The following INPP4B variants were observed in gnomAD, a reference collection of about 807,000 sequenced individuals.
INPP4B encodes inositol polyphosphate 4-phosphatase type II.
In INPP4B, 55 loss-of-function variants were observed where a neutral mutation model predicts 122.5. The ratio of observed to expected loss-of-function variants is 0.45; its 90% CI spans 0.36 to 0.56. The LOEUF (loss-of-function observed/expected upper bound fraction) is 0.56. Ranked by LOEUF, INPP4B falls within the 20% of genes least tolerant of loss-of-function variation. INPP4B has a pLI of 0.00. For missense variants in INPP4B, 1,000 were observed against 1,097.7 expected, an observed-to-expected ratio of 0.91 and a Z score of 1.26; for synonymous variants, 403 against 388.7, an observed-to-expected ratio of 1.04 and a Z score of -0.43.
At chr4:142,428,784 C>A (rs918772459) in intron 5 of INPP4B, among the ~76,000 whole-genome samples, 3 of 151,916 alleles carry the variant, frequency 2.0e-5, no homozygotes, top group Non-Finnish European at 4.4e-5. Context: ...GGCAAGAATC[C>A]TGGAAATGCC....
chr4:142,045,193 T>C (rs1264810629), intron 25 of INPP4B, among the ~76,000 whole-genome samples: 1 of 152,154 alleles, frequency 6.6e-6, no homozygotes, highest in Non-Finnish European at 1.5e-5. Flanking sequence ...TAATGCAGTG[T>C]ATACATCTCC....
intron 1 of INPP4B, among the ~76,000 whole-genome samples, chr4:142,793,575 T>C (rs977750495): frequency 3.9e-5 from 6 of 152,086 alleles, no homozygotes; most frequent in Admixed American, 3.3e-4. Flanking sequence ...AGTCAAAGGA[T>C]GGCAGTAATA....
chr4:142,399,239 C>G (rs987583122), intron 7 of INPP4B, among the ~76,000 whole-genome samples: 2 of 125,412 alleles, frequency 1.6e-5, no homozygotes, highest in Admixed American at 9.9e-5. Context: ...GCTCTGTCAC[C>G]AGGCTGGAGT....
intron 25 of INPP4B, among the ~76,000 whole-genome samples, chr4:142,063,770 T>A (rs1762184315): frequency 6.6e-6 from 1 of 152,176 alleles, no homozygotes; most frequent in African/African-American, 2.4e-5. Flanking sequence ...ATTAGTGTAC[T>A]TTTGTTATTC....
At chr4:142,752,386 A>G (rs1440389545) in intron 1 of INPP4B, among the ~76,000 whole-genome samples, 2 of 152,066 alleles carry the variant, frequency 1.3e-5, no homozygotes, top group Non-Finnish European at 2.9e-5. Context: ...AGTTTCCCCA[A>G]CTACTGATCT....
chr4:142,353,390 G>C (rs1177398305), intron 7 of INPP4B, among the ~76,000 whole-genome samples: 1 of 151,978 alleles, frequency 6.6e-6, no homozygotes, highest in Non-Finnish European at 1.5e-5. Context: ...ATTCCCCTAA[G>C]AGAGAATGAT....
chr4:142,550,998 C>T (rs1202326563), intron 2 of INPP4B, among the ~76,000 whole-genome samples: 1 of 151,932 alleles, frequency 6.6e-6, no homozygotes, highest in Non-Finnish European at 1.5e-5. Flanking sequence ...TAACTTGATA[C>T]AAAATAGGAA....
chr4:142,759,390 C>T (rs1434142781), intron 1 of INPP4B, among the ~76,000 whole-genome samples: 6 of 152,228 alleles, frequency 3.9e-5, no homozygotes, highest in African/African-American at 7.2e-5. Flanking sequence ...AACACAATTT[C>T]GTCTTCTCTC....
At chr4:142,235,257 T>C (rs1856185353) in intron 12 of INPP4B, among the ~76,000 whole-genome samples, 1 of 151,950 alleles carries the variant, frequency 6.6e-6, no homozygotes, top group Non-Finnish European at 1.5e-5. Context: ...TTTCCTAGCT[T>C]GTTGAATTTT....
intron 22 of INPP4B, 65 bp from the exon 23 acceptor site, chr4:142,108,255 C>A: frequency 1.2e-6 from 1 of 812,992 alleles, no homozygotes; most frequent in South Asian, 1.5e-5. Context: ...ACACATTTTA[C>A]CTTTCCTTTT....
intron 2 of INPP4B, among the ~76,000 whole-genome samples, chr4:142,479,588 A>G (rs1238864983): frequency 1.3e-5 from 2 of 152,190 alleles, no homozygotes; most frequent in African/African-American, 4.8e-5. Flanking sequence ...AGACTAGATA[A>G]AGAAAATATG....
At chr4:142,604,801 A>G (rs1326239170) in intron 2 of INPP4B, among the ~76,000 whole-genome samples, 2 of 152,156 alleles carry the variant, frequency 1.3e-5, no homozygotes, top group African/African-American at 2.4e-5. Context: ...TTCCCAAGCC[A>G]TCTACAAATT....
intron 2 of INPP4B, among the ~76,000 whole-genome samples, chr4:142,505,543 T>G (rs1283861440): frequency 6.7e-6 from 1 of 148,184 alleles, no homozygotes; most frequent in East Asian, 2.1e-4. Context: ...CGAAGTAAGA[T>G]TGTGAAAATA....
intron 2 of INPP4B, among the ~76,000 whole-genome samples, chr4:142,512,986 T>C (rs1051001977): frequency 6.6e-6 from 1 of 152,198 alleles, no homozygotes; most frequent in African/African-American, 2.4e-5. Flanking sequence ...ATTTGACATA[T>C]AGCTTTTTAA....
chr4:142,115,720 A>G (rs1008686184), intron 21 of INPP4B, among the ~76,000 whole-genome samples: 6 of 152,208 alleles, frequency 3.9e-5, no homozygotes, highest in African/African-American at 1.4e-4. Context: ...GCAAATTATA[A>G]AGACCATTGA....
intron 14 of INPP4B, among the ~76,000 whole-genome samples, chr4:142,197,300 T>C (rs1464421259): frequency 6.6e-6 from 1 of 152,078 alleles, no homozygotes; most frequent in Non-Finnish European, 1.5e-5. Flanking sequence ...CATCTTTGTG[T>C]TCTCTGACTT....
intron 7 of INPP4B, among the ~76,000 whole-genome samples, chr4:142,363,801 T>C (rs1004482419): frequency 6.6e-6 from 1 of 152,038 alleles, no homozygotes; most frequent in Non-Finnish European, 1.5e-5. Context: ...TATTATCTCA[T>C]TTGTCTTCCA....
intron 9 of INPP4B, among the ~76,000 whole-genome samples, chr4:142,280,919 A>G (rs1750894945): frequency 6.6e-6 from 1 of 151,968 alleles, no homozygotes; most frequent in African/African-American, 2.4e-5. Context: ...TCATATAGGA[A>G]AGGAAGAAAT....
At chr4:142,263,420 T>C (rs1158142023) in intron 10 of INPP4B, among the ~76,000 whole-genome samples, 1 of 151,880 alleles carries the variant, frequency 6.6e-6, no homozygotes, top group Admixed American at 6.6e-5. Flanking sequence ...ATCCACCAAT[T>C]GTTATGGAGT....
Sources: gnomAD v4.1 joint callset for allele counts (sites outside exome capture counted in the v4.1 genomes callset) on GRCh38, gnomAD v4.1.1 for gene constraint, MANE v1.5 for transcripts, NCBI Gene and HGNC (gene_info 2026-07-23, HGNC 2026-07-21) for gene names.